ASXL3: variants seen among roughly 807,000 people sequenced by gnomAD.
The protein encoded by ASXL3 is ASXL transcriptional regulator 3.
In ASXL3, 34 loss-of-function variants were observed where a neutral mutation model predicts 170.6. That is an observed-to-expected ratio of 0.20 (90% CI 0.15 to 0.27). ASXL3 has a LOEUF of 0.27. ASXL3 is among the 10% of genes least tolerant of loss of function. The pLI, the probability that ASXL3 is intolerant of heterozygous loss-of-function variation, is 1.00. For missense variants in ASXL3, 2,592 were observed against 2,695.3 expected (o/e 0.96, Z 0.85); for synonymous variants, 1,002 against 989.1 (o/e 1.01, Z -0.24).
chr18:33,612,616 A>T (rs1354257083), intron 2 of ASXL3, among the ~76,000 whole-genome samples: 1 of 151,932 alleles, frequency 6.6e-6, no homozygotes, highest in African/African-American at 2.4e-5. Context: ...TAGAATCTCC[A>T]CTTTGTACTG....
At chr18:33,590,162 G>T (rs1205087508) in intron 1 of ASXL3, among the ~76,000 whole-genome samples, 1 of 125,298 alleles carries the variant, frequency 8.0e-6, no homozygotes, top group Non-Finnish European at 1.6e-5. Context: ...CATGGTGTAG[G>T]CAGGATTCTA....
intron 2 of ASXL3, among the ~76,000 whole-genome samples, chr18:33,631,066 A>T (rs1402742978): frequency 6.6e-6 from 1 of 152,026 alleles, no homozygotes; most frequent in Non-Finnish European, 1.5e-5. Context: ...CCACAAAGGA[A>T]AAGATGGAGA....
intron 2 of ASXL3, among the ~76,000 whole-genome samples, chr18:33,623,011 A>G (rs1392098305): frequency 6.6e-6 from 1 of 152,066 alleles, no homozygotes; most frequent in Non-Finnish European, 1.5e-5. Flanking sequence ...CTTTGAAAAA[A>G]ATTACCTATA....
intron 7 of ASXL3, among the ~76,000 whole-genome samples, chr18:33,674,409 A>G (rs904705935): frequency 1.3e-5 from 2 of 152,196 alleles, no homozygotes; most frequent in Middle Eastern, 3.2e-3. Flanking sequence ...TTGAAGTACA[A>G]TTCTGTCAAA....
chr18:33,587,252 T>A (rs1044484796), intron 1 of ASXL3, among the ~76,000 whole-genome samples: 6 of 152,198 alleles, frequency 3.9e-5, no homozygotes, highest in Non-Finnish European at 8.8e-5. Context: ...CATGTTTTAT[T>A]TGTTATACAC....
chr18:33,663,406 AT>A (rs1455512542), intron 5 of ASXL3, among the ~76,000 whole-genome samples: 1 of 152,160 alleles, frequency 6.6e-6, no homozygotes, highest in African/African-American at 2.4e-5. Context: ...ATTGTTCTAT[AT>A]CATTAATTTG....
rs115273239 is a variant in ASXL3 at position 33,683,919 on chromosome 18, G to T, written c.879+351G>T. On this transcript the variant is annotated intron_variant, in intron 8 of 11. Transcript: ENST00000269197. Reference sequence around the variant, plus strand: ...TGAAATGCAGCAATAAAAAGCCAGGGTTTCTAAAAAATTATGTAAATGTTT... The same window carrying T: ...TGAAATGCAGCAATAAAAAGCCAGGTTTTCTAAAAAATTATGTAAATGTTT... 3.9e-3 allele frequency among the ~76,000 whole-genome samples: 587 copies of T among 152,140 alleles called. 5 individuals are homozygous for T. Among genetic ancestry groups the T allele is most frequent in the African/African-American group, 0.014 (564 of 41,512 alleles).
Position 33,661,741 on chromosome 18 carries a change from A to G in ASXL3, c.477+4A>G, listed in dbSNP as rs1195768373. On this transcript the variant is annotated splice_donor_region_variant and intron_variant, in intron 5 of 11. Coordinates refer to ENST00000269197, the MANE Select transcript of ASXL3 (RefSeq NM_030632.3). ...CACCAAAAAGGCTCTTAAACAGGTA[A>G]GATAGCTGCCATTTATTCTTTGTCC... is the stretch of plus-strand genomic sequence containing the variant. 1.9e-6 allele frequency: 3 copies of G among 1,611,376 alleles called. No homozygotes were observed. The highest frequency in any genetic ancestry group is 2.5e-6 in the Non-Finnish European group (3 of 1,178,870).
At chr18:33,604,339 T>C (rs986373945) in intron 1 of ASXL3, among the ~76,000 whole-genome samples, 9 of 151,948 alleles carry the variant, frequency 5.9e-5, no homozygotes, top group African/African-American at 1.9e-4. Context: ...AAATATAAAA[T>C]AATAGAAAGC....
In ASXL3 at chr18:33,739,025, G is replaced by A. The variant is rs199508275; in HGVS notation, c.1621G>A (p.Asp541Asn). The A allele has an allele frequency of 1.7e-5, 27 of 1,613,564 alleles. No individual in the cohort carries two copies. The African/African-American group carries it at 3.1e-4, about 18-fold the overall frequency. ...TVVIDQLEVC[D>N]SLIPSTSSMT... The stretch of plus-strand genomic sequence containing the variant: ...TGTTATCGATCAGTTAGAAGTCTGT[G>A]ACTCTCTTATTCCTTCCACTTCATC... Residue 541 changes from aspartate (D) to asparagine (N), a missense_variant, in exon 11 of 12, where the codon GAC becomes AAC. Around this residue, in one of 4 missense-constraint regions of ASXL3, gnomAD observed 2,246 missense variants for 2,219.6 expected, o/e 1.01. Transcript: ENST00000269197.
At chr18:33,593,264 T>A (rs955455112) in intron 1 of ASXL3, among the ~76,000 whole-genome samples, 1 of 146,420 alleles carries the variant, frequency 6.8e-6, no homozygotes, top group African/African-American at 2.5e-5. Context: ...CCACCTTTTT[T>A]TTTTTTTTTT....
At chr18:33,636,434 T>C (rs925214746) in intron 2 of ASXL3, among the ~76,000 whole-genome samples, 1 of 152,178 alleles carries the variant, frequency 6.6e-6, no homozygotes, top group Non-Finnish European at 1.5e-5. Flanking sequence ...TTGTTGTTTT[T>C]AAATAAGAAA....
chr18:33,701,154 T>C (rs1033217919), intron 8 of ASXL3, among the ~76,000 whole-genome samples: 2 of 152,090 alleles, frequency 1.3e-5, no homozygotes, highest in Admixed American at 6.6e-5. Context: ...ATTAATAATA[T>C]ATGAATATCC....
intron 4 of ASXL3, among the ~76,000 whole-genome samples, chr18:33,656,433 T>C (rs549287618): frequency 1.3e-5 from 2 of 152,098 alleles, no homozygotes; most frequent in Non-Finnish European, 2.9e-5. Context: ...AGCTTGTTAC[T>C]TATTGGGTGG....
At chr18:33,614,425 G>A (rs908320858) in intron 2 of ASXL3, 6 of 152,140 alleles carry the variant, frequency 3.9e-5, no homozygotes, top group Admixed American at 2.0e-4. Flanking sequence ...TTCTCTTGCT[G>A]TTTCTACCAC....
At chr18:33,637,342 C>G (rs1403011089) in intron 2 of ASXL3, among the ~76,000 whole-genome samples, 3 of 152,046 alleles carry the variant, frequency 2.0e-5, no homozygotes, top group African/African-American at 2.4e-5. Context: ...CAGAGTTAAA[C>G]AGGATTTTTC....
chr18:33,591,051 A>G (rs2065072739), intron 1 of ASXL3, among the ~76,000 whole-genome samples: 1 of 152,202 alleles, frequency 6.6e-6, no homozygotes, highest in Non-Finnish European at 1.5e-5. Context: ...TCTCCATGGA[A>G]TGAATCTTCA....
chr18:33,659,585 G>A (rs1315127084), intron 4 of ASXL3, among the ~76,000 whole-genome samples: 1 of 152,014 alleles, frequency 6.6e-6, no homozygotes, highest in East Asian at 1.9e-4. Flanking sequence ...ACATTGAAAA[G>A]GCTATCTGTA....
chr18:33,723,673 C>T (rs544181384), intron 8 of ASXL3, among the ~76,000 whole-genome samples: 12 of 152,244 alleles, frequency 7.9e-5, no homozygotes, highest in African/African-American at 2.4e-4. Context: ...GATAAAGCAG[C>T]GGCAGAGTTT....
Sources: allele counts gnomAD v4.1 joint callset (sites outside exome capture counted in the v4.1 genomes callset), GRCh38; gene constraint gnomAD v4.1.1; regional missense constraint gnomAD v4.1.1; transcripts MANE v1.5; gene names NCBI Gene and HGNC (gene_info 2026-07-23, HGNC 2026-07-21).